LRSAM1: variants seen among roughly 807,000 people sequenced by gnomAD.
The protein encoded by LRSAM1 is leucine rich repeat and sterile alpha motif containing 1.
A neutral mutation model predicts 118.1 loss-of-function variants in LRSAM1; 96 were observed. The ratio of observed to expected loss-of-function variants is 0.81; its 90% CI spans 0.69 to 0.96. The LOEUF is 0.96. Ranked by LOEUF, LRSAM1 falls within the 40% of genes least tolerant of loss-of-function variation. LRSAM1 has a pLI of 0.00. For synonymous variants in LRSAM1, 322 were observed against 364.2 expected (o/e 0.88, Z 1.32); for missense variants, 804 against 915.5 (o/e 0.88, Z 1.57).
rs774399646 is a variant in LRSAM1 at position 127,467,775 on chromosome 9, G to A, written c.564G>A (p.Pro188=). The A allele has an allele frequency of 1.8e-5, 29 of 1,610,628 alleles. No individual in the cohort carries two copies. Among genetic ancestry groups the A allele is most frequent in the East Asian group, 2.2e-5 (1 of 44,808 alleles). Residue 188 remains proline (P), a synonymous_variant, in exon 10 of 26, where the codon CCG becomes CCA. Coordinates refer to ENST00000300417, the MANE Select transcript of LRSAM1 (RefSeq NM_001005373.4). The stretch of plus-strand genomic sequence containing the variant: ...TTGACGCCTCGGCCATGGTCTACCC[G>A]CCGCGGGAGGTGTGTGGTGCCGGCA... The part of the protein sequence containing the change: ...LSLDASAMVY[P]PREVCGAGTA...
At chr9:127,478,679 T>C (rs1278309150) in intron 11 of LRSAM1, among the ~76,000 whole-genome samples, 1 of 152,170 alleles carries the variant, frequency 6.6e-6, no homozygotes, top group Non-Finnish European at 1.5e-5. Flanking sequence ...ATCCCAGAAC[T>C]GTCTTGAAGA....
Position 127,491,251 on chromosome 9 carries a change from C to T in LRSAM1, c.1459C>T (p.Gln487Ter), listed in dbSNP as rs2132098089. The change falls in exon 20 of 26, where the codon CAG (glutamine) becomes TAG (stop). Residue 487 changes from glutamine to a stop codon, truncating the protein, a stop_gained. Coordinates refer to ENST00000300417, the MANE Select transcript of LRSAM1 (RefSeq NM_001005373.4). LOFTEE classifies it high-confidence loss of function. ...AGAAACTGAGTTATTGCAGCTGACA[C>T]AGCTGGAGTTAAAGAGGAAGTCCCT... ...LIETELLQLTQLELKRKSLDT... is the reference protein window; with the variant it reads ...LIETELLQLT 1.2e-6 allele frequency: 2 copies of T among 1,613,940 alleles called. No individual in the cohort carries two copies. The highest frequency in any genetic ancestry group is 4.5e-5 in the East Asian group (2 of 44,884).
intron 8 of LRSAM1, 104 bp from the exon 9 acceptor site, chr9:127,462,148 T>A (rs1031525152): frequency 6.5e-7 from 1 of 1,528,786 alleles, no homozygotes; most frequent in African/African-American, 1.4e-5. Context: ...GAGCCCAGGA[T>A]CTGTTGTGTG....
In LRSAM1 at chr9:127,495,413, C is replaced by G. The variant is rs1466279236; in HGVS notation, c.1693C>G (p.Leu565Val). The G allele has an allele frequency of 1.9e-6, 3 of 1,613,556 alleles. No individual in the cohort carries two copies. In the African/African-American group the frequency reaches 4.0e-5, roughly 22 times the overall value. The change falls in exon 22 of 26, where the codon CTG (leucine) becomes GTG (valine). Residue 565 changes from leucine (L) to valine (V), a missense_variant. Coordinates refer to ENST00000300417, the MANE Select transcript of LRSAM1 (RefSeq NM_001005373.4). ...LLNQKPLSLK[L>V]QEEGMERQLV... ...GAACCAGAAGCCCTTGTCCTTGAAGCTGCAAGTAAGGACTGCTGGTGCCTG... is the reference window on the plus strand; with the variant it reads ...GAACCAGAAGCCCTTGTCCTTGAAGGTGCAAGTAAGGACTGCTGGTGCCTG...
At chr9:127,500,959 TA>T in intron 24 of LRSAM1, 50 bp from the exon 25 acceptor site, 1 of 1,612,946 alleles carries the variant, frequency 6.2e-7, no homozygotes, top group Non-Finnish European at 8.5e-7. Context: ...CCCCAGGGGT[TA>T]GGGTCAGCGG....
chr9:127,497,410 C>A, intron 24 of LRSAM1, 76 bp downstream of exon 24: 1 of 1,437,940 alleles, frequency 7.0e-7, no homozygotes, highest in Non-Finnish European at 9.7e-7. Context: ...CAGTCATTTG[C>A]TTACATTTCA....
At chr9:127,461,682 A>C (rs1834752834) in intron 8 of LRSAM1, among the ~76,000 whole-genome samples, 1 of 152,202 alleles carries the variant, frequency 6.6e-6, no homozygotes, top group Non-Finnish European at 1.5e-5. Context: ...CAGTTTACAC[A>C]CGAGGAAAAC....
chr9:127,454,876 A>G, intron 3 of LRSAM1, 122 bp from the exon 4 acceptor site: 1 of 1,002,912 alleles, frequency 1.0e-6, no homozygotes, highest in Non-Finnish European at 1.6e-6. Flanking sequence ...CAAATGGACC[A>G]GTGGAACCAG....
intron 21 of LRSAM1, among the ~76,000 whole-genome samples, chr9:127,493,209 G>A (rs997380955): frequency 6.6e-6 from 1 of 152,084 alleles, no homozygotes; most frequent in Admixed American, 6.5e-5. Context: ...CTACAGGCAT[G>A]TGCCACCATG....
At chr9:127,476,709 T>C (rs1292060187) in intron 11 of LRSAM1, among the ~76,000 whole-genome samples, 1 of 152,174 alleles carries the variant, frequency 6.6e-6, no homozygotes, top group Non-Finnish European at 1.5e-5. Flanking sequence ...AGTCTCACTC[T>C]GTCACACTAG....
rs1451403749 is a variant in LRSAM1, at chr9:127,495,980, G to A, written c.1715G>A (p.Arg572His). The A allele has an allele frequency of 1.4e-5, 23 of 1,612,516 alleles. 1 individual carries two copies. The highest frequency in any genetic ancestry group is 3.3e-4 in the Middle Eastern group (2 of 6,084). ...GTCTTGCAGGAAGAGGGGATGGAGC[G>A]CCAGCTGGTGGCCCTCCTGGAGGAG... ...SLKLQEEGME[R>H]QLVALLEELS... Residue 572 changes from arginine to histidine, a missense_variant, in exon 23 of 26, where the codon CGC (arginine) becomes CAC (histidine). Transcript: ENST00000300417.
At chr9:127,499,746 T>C (rs537198253) in intron 24 of LRSAM1, among the ~76,000 whole-genome samples, 2 of 151,596 alleles carry the variant, frequency 1.3e-5, no homozygotes, top group African/African-American at 2.4e-5. Context: ...CTGGCTAACA[T>C]GGTGAAACCC....
At chr9:127,482,762 C>T (rs952234212) in intron 15 of LRSAM1, among the ~76,000 whole-genome samples, 188 bp from the exon 16 acceptor site, 2 of 152,206 alleles carry the variant, frequency 1.3e-5, no homozygotes, top group Admixed American at 6.6e-5. Flanking sequence ...ACAAGATACT[C>T]GAACTACAGG....
intron 1 of LRSAM1, 85 bp downstream of exon 1, chr9:127,451,754 G>A (rs543003414): frequency 1.5e-5 from 3 of 195,150 alleles, no homozygotes; most frequent in East Asian, 1.3e-4. Flanking sequence ...CGAGACCCCA[G>A]TACCGCGGCG....
At chr9:127,478,798 C>T (rs945001938) in intron 11 of LRSAM1, 136 bp from the exon 12 acceptor site, 1 of 830,746 alleles carries the variant, frequency 1.2e-6, no homozygotes, top group African/African-American at 1.7e-5. Flanking sequence ...ATCCCCCGAC[C>T]CCACCATTCT....
At chr9:127,481,366 C>A in intron 15 of LRSAM1, 139 bp downstream of exon 15, 1 of 824,648 alleles carries the variant, frequency 1.2e-6, no homozygotes, top group Non-Finnish European at 2.0e-6. Flanking sequence ...AATTCCCCTG[C>A]CTCAGCCTCC....
intron 9 of LRSAM1, among the ~76,000 whole-genome samples, chr9:127,463,678 G>A (rs1333704016): frequency 6.6e-6 from 1 of 152,112 alleles, no homozygotes; most frequent in African/African-American, 2.4e-5. Flanking sequence ...CATTCTGAGG[G>A]ATGGGGGGAT....
chr9:127,467,894 C>T (rs1835021717), intron 10 of LRSAM1, 64 bp downstream of exon 10: 2 of 1,480,398 alleles, frequency 1.4e-6, no homozygotes, highest in South Asian at 1.2e-5. Flanking sequence ...CCACCCTGTG[C>T]CAGCCCAGGC....
intron 24 of LRSAM1, among the ~76,000 whole-genome samples, chr9:127,497,967 C>T (rs1232449660): frequency 6.6e-6 from 1 of 152,218 alleles, no homozygotes; most frequent in Non-Finnish European, 1.5e-5. Flanking sequence ...TAGCATGTCC[C>T]CCATCAGGTC....
Sources: allele counts gnomAD v4.1 joint callset (sites outside exome capture counted in the v4.1 genomes callset), GRCh38; gene constraint gnomAD v4.1.1; transcripts MANE v1.5; gene names NCBI Gene and HGNC (gene_info 2026-07-23, HGNC 2026-07-21).